Variants in OSBPL11 observed in about 807,000 individuals in gnomAD.
OSBPL11 encodes oxysterol binding protein like 11.
A neutral mutation model predicts 84.4 loss-of-function variants in OSBPL11; 33 were observed. The observed-to-expected ratio is 0.39, with a 90% CI of 0.30 to 0.52. The LOEUF is 0.52. Ranked by LOEUF, OSBPL11 falls within the 20% of genes least tolerant of loss-of-function variation. The pLI, the probability that OSBPL11 is intolerant of heterozygous loss-of-function variation, is 0.72. For synonymous variants in OSBPL11, 276 were observed against 310.2 expected (o/e 0.89, Z 1.16); for missense variants, 736 against 901.1 (o/e 0.82, Z 2.35).
chr3:125,577,070 T>C (rs940205493), intron 4 of OSBPL11, among the ~76,000 whole-genome samples: 8 of 152,338 alleles, frequency 5.3e-5, no homozygotes, highest in African/African-American at 1.9e-4. Context: ...TGATACAAAC[T>C]AGTACTTTCT....
chr3:125,547,169 A>G (rs923042104), intron 10 of OSBPL11, among the ~76,000 whole-genome samples: 1 of 152,256 alleles, frequency 6.6e-6, no homozygotes, highest in Admixed American at 6.5e-5. Context: ...AAATTCTACT[A>G]TAAAGCTCAC....
intron 5 of OSBPL11, among the ~76,000 whole-genome samples, chr3:125,569,886 T>G (rs1936218008): frequency 6.6e-6 from 1 of 152,204 alleles, no homozygotes; most frequent in South Asian, 2.1e-4. Flanking sequence ...TCTATGGTGT[T>G]CAGGATAGTG....
intron 10 of OSBPL11, among the ~76,000 whole-genome samples, chr3:125,545,457 C>T (rs1398054365): frequency 1.3e-5 from 2 of 152,200 alleles, no homozygotes; most frequent in Non-Finnish European, 2.9e-5. Context: ...TTATCTTTAA[C>T]TATTACATAT....
intron 1 of OSBPL11, among the ~76,000 whole-genome samples, chr3:125,594,435 G>C (rs961666119): frequency 6.6e-6 from 1 of 152,182 alleles, no homozygotes; most frequent in African/African-American, 2.4e-5. Context: ...TTCCTCAAAA[G>C]GCCTTCCATA....
chr3:125,571,810 G>C (rs1334999639), intron 5 of OSBPL11, among the ~76,000 whole-genome samples: 2 of 152,208 alleles, frequency 1.3e-5, no homozygotes, highest in African/African-American at 4.8e-5. Flanking sequence ...GCAGGAGCAG[G>C]GCTGTCATGG....
chr3:125,568,310 A>G (rs147527216), intron 5 of OSBPL11, among the ~76,000 whole-genome samples: 75 of 152,168 alleles, frequency 4.9e-4, no homozygotes, highest in Non-Finnish European at 7.8e-4. Flanking sequence ...AGGCACTTGT[A>G]GTCTCACCTA....
intron 11 of OSBPL11, among the ~76,000 whole-genome samples, chr3:125,532,517 T>G (rs1935572832): frequency 6.7e-6 from 1 of 148,856 alleles, no homozygotes; most frequent in African/African-American, 2.5e-5. Context: ...GTGCTCTAAC[T>G]CGCTGTCCAG....
chr3:125,567,140 G>T (rs10934716), intron 6 of OSBPL11, among the ~76,000 whole-genome samples: 1 of 152,090 alleles, frequency 6.6e-6, no homozygotes, highest in African/African-American at 2.4e-5. Context: ...CAGTTTTTGA[G>T]ATGTTGAGCT....
chr3:125,532,133 A>C, intron 11 of OSBPL11, 119 bp from the exon 12 acceptor site: 1 of 1,016,188 alleles, frequency 9.8e-7, no homozygotes, highest in Non-Finnish European at 1.4e-6. Context: ...CACATCTACA[A>C]TGTCATGCTT....
chr3:125,578,929 G>GTA (rs757752310), intron 4 of OSBPL11, 31 bp downstream of exon 4: 80 of 1,299,634 alleles, frequency 6.2e-5, no homozygotes, highest in Non-Finnish European at 8.1e-5. Flanking sequence ...CCTCATTTTT[G>GTA]TATATTAATA....
At chr3:125,532,898 A>G (rs1935582544) in intron 11 of OSBPL11, among the ~76,000 whole-genome samples, 1 of 151,826 alleles carries the variant, frequency 6.6e-6, no homozygotes, top group Non-Finnish European at 1.5e-5. Context: ...TACTTCATGG[A>G]TGAACCTCAA....
chr3:125,591,672 G>C (rs1336469100), intron 1 of OSBPL11, among the ~76,000 whole-genome samples: 2 of 152,138 alleles, frequency 1.3e-5, no homozygotes, highest in Non-Finnish European at 2.9e-5. Flanking sequence ...TGAGATTCCT[G>C]ACCCAAAGAC....
At chr3:125,579,570 C>T (rs1471422546) in intron 3 of OSBPL11, among the ~76,000 whole-genome samples, 1 of 152,116 alleles carries the variant, frequency 6.6e-6, no homozygotes, top group Non-Finnish European at 1.5e-5. Context: ...GGGTGAAATA[C>T]ATAAAAAATA....
At chr3:125,583,401 C>T (rs1322502077) in intron 1 of OSBPL11, among the ~76,000 whole-genome samples, 6 of 150,816 alleles carry the variant, frequency 4.0e-5, no homozygotes, top group Non-Finnish European at 8.9e-5. Flanking sequence ...GTCAACATGG[C>T]GAAAACCCAT....
chr3:125,582,658 A>G (rs1383353000), intron 2 of OSBPL11, among the ~76,000 whole-genome samples: 2 of 152,208 alleles, frequency 1.3e-5, no homozygotes, highest in Admixed American at 1.3e-4. Flanking sequence ...ACAATGCCCA[A>G]GCCAGGTAAC....
At chr3:125,566,231 C>G (rs181721262) in intron 6 of OSBPL11, among the ~76,000 whole-genome samples, 259 of 152,268 alleles carry the variant, frequency 1.7e-3, no homozygotes, top group Non-Finnish European at 3.1e-3. Context: ...GTCTCAAACT[C>G]CTGACCTTAG....
chr3:125,594,065 G>A (rs1290804441), intron 1 of OSBPL11, among the ~76,000 whole-genome samples: 4 of 152,218 alleles, frequency 2.6e-5, no homozygotes, highest in Admixed American at 1.3e-4. Flanking sequence ...GAAGTGGCCT[G>A]AGCAACGCAA....
chr3:125,532,864 T>C (rs993842059), intron 11 of OSBPL11, among the ~76,000 whole-genome samples: 1 of 151,594 alleles, frequency 6.6e-6, no homozygotes, highest in Non-Finnish European at 1.5e-5. Context: ...TAAAAAGCAA[T>C]GAACCACTGA....
intron 1 of OSBPL11, among the ~76,000 whole-genome samples, chr3:125,584,341 G>A (rs1187256331): frequency 5.3e-5 from 8 of 152,048 alleles, no homozygotes; most frequent in Admixed American, 2.6e-4. Flanking sequence ...ACTCCAACCC[G>A]GGTGGCAGAG....
Sources: gnomAD v4.1 joint callset for allele counts (sites outside exome capture counted in the v4.1 genomes callset) on GRCh38, gnomAD v4.1.1 for gene constraint, MANE v1.5 for transcripts, NCBI Gene and HGNC (gene_info 2026-07-23, HGNC 2026-07-21) for gene names.